The following TBC1D5 variants were observed in gnomAD, a reference collection of about 807,000 sequenced individuals.
TBC1D5 encodes TBC1 domain family, member 5.
Under a neutral mutation model 100.3 loss-of-function variants are expected in TBC1D5, and 75 were observed. The observed-to-expected ratio is 0.75, with a 90% CI of 0.62 to 0.91. TBC1D5 has a LOEUF of 0.91. Among genes scored for constraint, TBC1D5 ranks in the 40% least tolerant of loss-of-function variants. The pLI is 0.00. For missense variants in TBC1D5, 910 were observed against 942.4 expected (o/e 0.97, Z 0.45); for synonymous variants, 323 against 325.6 (o/e 0.99, Z 0.09).
At chr3:17,604,610 T>G (rs934364118) in intron 2 of TBC1D5, among the ~76,000 whole-genome samples, 1 of 152,204 alleles carries the variant, frequency 6.6e-6, no homozygotes, top group African/African-American at 2.4e-5. Flanking sequence ...CTGTACGTAA[T>G]TAAGATTTGG....
rs574065296 is a variant in TBC1D5 at position 17,508,022 on chromosome 3, A to G, written c.97+452T>C. On this transcript the variant is annotated intron_variant, in intron 3 of 21. Coordinates refer to ENST00000253692, the Ensembl canonical transcript of TBC1D5. ...ACACAAATTTCAATTACTTTAAAAAAAAAAAGAGGATGAACAAATTTCAAT... is the reference window on the plus strand; with the variant it reads ...ACACAAATTTCAATTACTTTAAAAAGAAAAAGAGGATGAACAAATTTCAAT... Among the ~76,000 whole-genome samples, 11 of 152,254 alleles carry G rather than the reference A, an allele frequency of 7.2e-5. No individual in the cohort carries two copies. In the East Asian group the frequency reaches 2.1e-3, roughly 29 times the overall value.
chr3:17,321,858 T>C lies in TBC1D5; in HGVS notation c.996-13724A>G, dbSNP rs1484688674. 2.6e-5 allele frequency among the ~76,000 whole-genome samples: 4 copies of C among 152,258 alleles called. No individual in the cohort carries two copies. In the East Asian group the frequency reaches 7.7e-4, roughly 29 times the overall value. ...TTGTATAGCTACTTTAAACATTCTA[T>C]GGATACAGTAATTTCACTCTGTTTA... On this transcript the variant is annotated intron_variant, in intron 13 of 21. Coordinates refer to ENST00000253692, the Ensembl canonical transcript of TBC1D5.
rs115121260 is a variant in TBC1D5, at chr3:17,634,468, C to T, written c.-100-10555G>A. Reference sequence around the variant, plus strand: ...GGTCACTATGTTAACTGAAATAAGTCGGGCAGAGAAAGACAAATATCACAT... The same window carrying T: ...GGTCACTATGTTAACTGAAATAAGTTGGGCAGAGAAAGACAAATATCACAT... On this transcript the variant is annotated intron_variant, in intron 1 of 21. Transcript: ENST00000253692. Among the ~76,000 whole-genome samples the T allele has an allele frequency of 7.4e-3, 1,118 of 151,934 alleles. 10 individuals carry two copies. Among genetic ancestry groups the T allele is most frequent in the Non-Finnish European group, 0.012 (789 of 67,950 alleles).
At chr3:17,197,469 T>C (rs2070852844) in intron 18 of TBC1D5, among the ~76,000 whole-genome samples, 2 of 152,116 alleles carry the variant, frequency 1.3e-5, no homozygotes, top group South Asian at 4.1e-4. Flanking sequence ...CCTGAACTCC[T>C]AGGTTTAAGC....
At chr3:17,295,228 G>A (rs974996285) in intron 14 of TBC1D5, among the ~76,000 whole-genome samples, 12 of 152,218 alleles carry the variant, frequency 7.9e-5, no homozygotes, top group African/African-American at 2.9e-4. Flanking sequence ...ATGAGAACTA[G>A]ATTAGATCAC....
intron 2 of TBC1D5, among the ~76,000 whole-genome samples, chr3:17,600,846 A>G (rs559778717): frequency 6.6e-6 from 1 of 152,326 alleles, no homozygotes; most frequent in South Asian, 2.1e-4. Context: ...AAAACTGCCC[A>G]AAGTCAATCT....
chr3:17,688,510 T>C (rs918587867), intron 1 of TBC1D5, among the ~76,000 whole-genome samples: 3 of 152,230 alleles, frequency 2.0e-5, no homozygotes, highest in Non-Finnish European at 4.4e-5. Flanking sequence ...AGGCTTCAAT[T>C]TATTTTATTA....
chr3:17,467,649 C>A (rs1197446405), intron 3 of TBC1D5, among the ~76,000 whole-genome samples: 2 of 151,994 alleles, frequency 1.3e-5, no homozygotes, highest in Admixed American at 1.3e-4. Context: ...CTAAGGCGGG[C>A]AGATCACATG....
chr3:17,622,085 T>C (rs1005008157), intron 2 of TBC1D5, among the ~76,000 whole-genome samples: 1 of 152,192 alleles, frequency 6.6e-6, no homozygotes. Flanking sequence ...AGACAGTTTT[T>C]CCATGAATGG....
chr3:17,247,037 T>C (rs1340215074), intron 16 of TBC1D5, among the ~76,000 whole-genome samples: 1 of 151,870 alleles, frequency 6.6e-6, no homozygotes, highest in East Asian at 1.9e-4. Flanking sequence ...GGGTCCTGGG[T>C]CACACTGTAT....
intron 15 of TBC1D5, among the ~76,000 whole-genome samples, chr3:17,259,699 T>C (rs1288094597): frequency 8.5e-6 from 1 of 118,008 alleles, no homozygotes; most frequent in Non-Finnish European, 1.7e-5. Flanking sequence ...ACTGATACAC[T>C]TGCATGCAGG....
At chr3:17,214,797 C>CCCTCTGGT (rs2073426766) in intron 17 of TBC1D5, among the ~76,000 whole-genome samples, 1 of 151,982 alleles carries the variant, frequency 6.6e-6, no homozygotes, top group African/African-American at 2.4e-5. Flanking sequence ...CAAAGTTTTT[C>CCCTCTGGT]AAAAAAGCAT....
At position 17,376,624 on chromosome 3, in the gene TBC1D5, A is replaced by C. The variant is rs1241475943; in HGVS notation, c.613-11T>G. The C allele has an allele frequency of 2.5e-6, 4 of 1,608,090 alleles. No homozygotes were observed. The African/African-American group carries it at 5.4e-5, about 22-fold the overall frequency. On this transcript the variant is annotated splice_polypyrimidine_tract_variant and intron_variant, in intron 9 of 21. Transcript: ENST00000253692. The stretch of plus-strand genomic sequence containing the variant: ...CAGTTCGTGCATGCCCTGAAATAAA[A>C]GAGCCAGAAAAATGAAAGAGATGGA...
At chr3:17,504,285 G>A (rs1341868809) in intron 3 of TBC1D5, among the ~76,000 whole-genome samples, 1 of 14,160 alleles carries the variant, frequency 7.1e-5, no homozygotes, top group Non-Finnish European at 1.8e-4. Context: ...TTGTGGGGTG[G>A]GGGGAGGGGG....
At chr3:17,358,002 A>G (rs1479760973) in intron 13 of TBC1D5, among the ~76,000 whole-genome samples, 1 of 152,174 alleles carries the variant, frequency 6.6e-6, no homozygotes, top group East Asian at 1.9e-4. Context: ...ATAAAATTCT[A>G]TCCATTAAAA....
At chr3:17,495,032 C>G (rs566000306) in intron 3 of TBC1D5, among the ~76,000 whole-genome samples, 1 of 152,230 alleles carries the variant, frequency 6.6e-6, no homozygotes, top group South Asian at 2.1e-4. Context: ...TTGCCCCGTG[C>G]GGCTCCCGGG....
At chr3:17,452,076 T>C (rs2094941253) in intron 3 of TBC1D5, among the ~76,000 whole-genome samples, 1 of 152,126 alleles carries the variant, frequency 6.6e-6, no homozygotes, top group African/African-American at 2.4e-5. Context: ...ACACAATCAG[T>C]GTTAAGTTGC....
At chr3:17,245,060 G>C (rs557762619) in intron 16 of TBC1D5, among the ~76,000 whole-genome samples, 1 of 151,482 alleles carries the variant, frequency 6.6e-6, no homozygotes, top group African/African-American at 2.4e-5. Context: ...AGCCATGGTG[G>C]TGTGCACCTG....
intron 2 of TBC1D5, among the ~76,000 whole-genome samples, chr3:17,543,387 C>T (rs191675852): frequency 1.6e-4 from 25 of 152,214 alleles, no homozygotes; most frequent in African/African-American, 3.6e-4. Flanking sequence ...AATCCCAGCA[C>T]CGTGGGAGGC....
Sources: allele counts gnomAD v4.1 joint callset (sites outside exome capture counted in the v4.1 genomes callset), GRCh38; gene constraint gnomAD v4.1.1; transcripts MANE v1.5; gene names NCBI Gene and HGNC (gene_info 2026-07-23, HGNC 2026-07-21).